Variants in AGAP1 observed in about 807,000 individuals in gnomAD.
AGAP1 encodes the protein ArfGAP with GTPase domain, ankyrin repeat and PH domain 1, also known as arf-GAP with GTPase, ANK repeat and PH domain-containing protein 1.
AGAP1 carries 29 observed loss-of-function variants against 105.3 expected under a neutral mutation model. The observed-to-expected ratio is 0.28, with a 90% CI of 0.21 to 0.38. The LOEUF (loss-of-function observed/expected upper bound fraction) is 0.38, where lower values mean the gene tolerates loss of function less well. Among genes scored for constraint, AGAP1 ranks in the 10% least tolerant of loss-of-function variants. The pLI, the probability that AGAP1 is intolerant of heterozygous loss-of-function variation, is 1.00. For missense variants in AGAP1, 998 were observed against 1,165.1 expected (o/e 0.86, Z 2.09); for synonymous variants, 509 against 485.9 (o/e 1.05, Z -0.63).
Position 236,050,725 on chromosome 2 carries a change from G to T in AGAP1, c.2114+1444G>T, listed in dbSNP as rs1158952422. 6.6e-6 allele frequency among the ~76,000 whole-genome samples: 1 copy of T among 152,090 alleles called. No individual in the cohort carries two copies. Among genetic ancestry groups the T allele is most frequent in the Non-Finnish European group, 1.5e-5 (1 of 68,012 alleles). ...ATTGAAATAAGCTGGAAAAATCTAT[G>T]CATCTTACTGTTTATATGTAAAAGA... On this transcript the variant is annotated intron_variant, in intron 16 of 17. Coordinates refer to ENST00000304032, the MANE Select transcript of AGAP1 (RefSeq NM_001037131.3). This position sits in a 1 kb window ranked among gnomAD's most constrained non-coding sequence, Gnocchi z 4.0.
chr2:235,961,174 G>A lies in AGAP1; in HGVS notation c.1484-7288G>A, dbSNP rs1009808782. Among the ~76,000 whole-genome samples, 1 of 152,224 alleles carries A rather than the reference G, an allele frequency of 6.6e-6. No individual in the cohort carries two copies. The highest frequency in any genetic ancestry group is 2.4e-5 in the African/African-American group (1 of 41,458). On this transcript the variant is annotated intron_variant, in intron 12 of 17. Coordinates refer to ENST00000304032, the MANE Select transcript of AGAP1 (RefSeq NM_001037131.3). This position sits in a 1 kb window ranked among gnomAD's most constrained non-coding sequence, Gnocchi z 5.9. The stretch of plus-strand genomic sequence containing the variant: ...AAACAAAGAAACACGCATGGAGCAT[G>A]TCATGTCCCCATGTGGAGAGAGCCA...
intron 10 of AGAP1, among the ~76,000 whole-genome samples, chr2:235,894,634 T>TACACACAC (rs894881918): frequency 4.1e-5 from 1 of 24,206 alleles, no homozygotes; most frequent in Non-Finnish European, 1.8e-4. Flanking sequence ...CATGCACATG[T>TACACACAC]ACACACACAC....
chr2:236,015,316 G>C (rs913274403), intron 13 of AGAP1, among the ~76,000 whole-genome samples: 1 of 152,164 alleles, frequency 6.6e-6, no homozygotes, highest in Non-Finnish European at 1.5e-5. Flanking sequence ...TTTTGTGGAA[G>C]CATTCTCCAT....
In AGAP1 at chr2:235,830,306, C is replaced by G. The variant is rs570802769; in HGVS notation, c.1050+22975C>G. ...AGTAAATTCGTTGTATTTTAAAAGT[C>G]AGATGGAATTTGTCTTCATATTTTG... On this transcript the variant is annotated intron_variant, in intron 9 of 17. Transcript: ENST00000304032. This position sits in a 1 kb window ranked among gnomAD's most constrained non-coding sequence, Gnocchi z 5.5. 3.9e-5 allele frequency among the ~76,000 whole-genome samples: 6 copies of G among 152,286 alleles called. No individual in the cohort carries two copies. The highest frequency in any genetic ancestry group is 1.4e-4 in the African/African-American group (6 of 41,558).
At chr2:235,694,493 A>AG (rs1391975651) in intron 1 of AGAP1, among the ~76,000 whole-genome samples, 4 of 151,328 alleles carry the variant, frequency 2.6e-5, no homozygotes, top group Non-Finnish European at 1.5e-5. Context: ...AAAAAAAAAA[A>AG]AAAAATTAGC....
intron 2 of AGAP1, 42 bp from the exon 3 acceptor site, chr2:235,717,515 A>G (rs368293540): frequency 1.0e-3 from 1,557 of 1,526,432 alleles, no homozygotes; most frequent in Non-Finnish European, 1.3e-3. Context: ...TGCCAAATAG[A>G]GTGATTTGAT....
chr2:235,516,521 T>C (rs1942394749), intron 1 of AGAP1, among the ~76,000 whole-genome samples: 2 of 152,270 alleles, frequency 1.3e-5, no homozygotes, highest in South Asian at 4.2e-4. Flanking sequence ...AGCCTCTGTT[T>C]CCTCTAGCTT....
chr2:235,744,815 C>G lies in AGAP1; in HGVS notation c.514C>G (p.Pro172Ala). Residue 172 changes from proline (P) to alanine (A), a missense_variant, in exon 5 of 18, where the codon CCT becomes GCT. Pro to Ala is a conservative substitution (Grantham distance 27). Coordinates refer to ENST00000304032, the MANE Select transcript of AGAP1 (RefSeq NM_001037131.3). The surrounding 1 kb of genome is among the most constrained non-coding windows in gnomAD (Gnocchi z 5.2). ...CAACTATCGGAACACGAGCGAGATTCCTCTGGTTCTGGTGGGAACCCAGGG... is the reference window on the plus strand; with the variant it reads ...CAACTATCGGAACACGAGCGAGATTGCTCTGGTTCTGGTGGGAACCCAGGG... ...MANYRNTSEIPLVLVGTQDAI... is the reference protein window; with the variant it reads ...MANYRNTSEIALVLVGTQDAI... 1 of 1,614,028 alleles carries G rather than the reference C, an allele frequency of 6.2e-7. No individual in the cohort carries two copies. Among genetic ancestry groups the G allele is most frequent in the Non-Finnish European group, 8.5e-7 (1 of 1,180,028 alleles).
At position 235,566,611 on chromosome 2, in the gene AGAP1, CCT is replaced by C. The variant is rs1944354306; in HGVS notation, c.163+71767_163+71768del. The C allele has an allele frequency of 9.1e-6, 9 of 984,810 alleles. No homozygotes were observed. The highest frequency in any genetic ancestry group is 9.6e-6 in the Non-Finnish European group (8 of 829,458). The allele number at this position is 984,810 out of a possible 1,614,324, so 61.0% of individuals were successfully genotyped here. A position where few individuals can be genotyped will look rare whatever the true frequency, so the allele number is the denominator to read the frequency against. On this transcript the variant is annotated intron_variant, in intron 1 of 17. Transcript: ENST00000304032. The surrounding 1 kb of genome is among the most constrained non-coding windows in gnomAD (Gnocchi z 5.2). ...TGTGAGTGGGCAGGTCTGTCTCCTGCCTCTCTTATTTATGTTGTATGCCTGAC... is the reference window on the plus strand; with the variant it reads ...TGTGAGTGGGCAGGTCTGTCTCCTGCCTCTTATTTATGTTGTATGCCTGAC...
At chr2:235,827,196 A>T (rs183458490) in intron 9 of AGAP1, among the ~76,000 whole-genome samples, 23 of 152,324 alleles carry the variant, frequency 1.5e-4, no homozygotes, top group African/African-American at 5.3e-4. Context: ...TCATACATGC[A>T]TCACGTGTTT....
chr2:235,685,884 G>A (rs1949355595), intron 1 of AGAP1, among the ~76,000 whole-genome samples: 1 of 152,114 alleles, frequency 6.6e-6, no homozygotes, highest in South Asian at 2.1e-4. Flanking sequence ...GGAGACATGA[G>A]ACACCAATCA....
rs556888643 is a variant in AGAP1, at chr2:235,662,899, G to A, written c.164-46280G>A. ...ATCTTACTGTGTCAGATGTGATTCC[G>A]GGGACGCAGTTCTTTCTTAAGAGCT... On this transcript the variant is annotated intron_variant, in intron 1 of 17. Transcript: ENST00000304032. The surrounding 1 kb of genome is among the most constrained non-coding windows in gnomAD (Gnocchi z 4.2). 1.1e-4 allele frequency among the ~76,000 whole-genome samples: 16 copies of A among 152,270 alleles called. No individual in the cohort carries two copies. Among genetic ancestry groups the A allele is most frequent in the Admixed American group, 5.2e-4 (8 of 15,296 alleles).
At chr2:236,085,402 A>G (rs924037434) in intron 16 of AGAP1, among the ~76,000 whole-genome samples, 2 of 152,030 alleles carry the variant, frequency 1.3e-5, no homozygotes, top group African/African-American at 2.4e-5. Context: ...TCTGTTTGGG[A>G]GGGGAGCACT....
At chr2:235,527,664 C>T (rs941720367) in intron 1 of AGAP1, among the ~76,000 whole-genome samples, 10 of 152,232 alleles carry the variant, frequency 6.6e-5, no homozygotes, top group African/African-American at 1.2e-4. Context: ...CTGGAATTAC[C>T]GTAGTGAGCT....
At position 235,867,351 on chromosome 2, in the gene AGAP1, G is replaced by A. The variant is rs1056115416; in HGVS notation, c.1051-15994G>A. The stretch of plus-strand genomic sequence containing the variant: ...CAACCAATGAACTTGACTGTGTTCC[G>A]ATAAAACTTTATTTACAGAAAGAGG... On this transcript the variant is annotated intron_variant, in intron 9 of 17. Transcript: ENST00000304032. This position sits in a 1 kb window ranked among gnomAD's most constrained non-coding sequence, Gnocchi z 5.4. Among the ~76,000 whole-genome samples the A allele has an allele frequency of 2.0e-5, 3 of 152,138 alleles. No individual in the cohort carries two copies. The highest frequency in any genetic ancestry group is 3.9e-4 in the East Asian group (2 of 5,176).
At position 236,082,486 on chromosome 2, in the gene AGAP1, C is replaced by T. The variant is rs1013402897; in HGVS notation, c.2114+33205C>T. On this transcript the variant is annotated intron_variant, in intron 16 of 17. Transcript: ENST00000304032. This position sits in a 1 kb window ranked among gnomAD's most constrained non-coding sequence, Gnocchi z 4.2. ...GGGAGGGAGAGCTTTTCCTAAGCATCGATCCCCTCCAGAAAGGAAGATGGT... is the reference window on the plus strand; with the variant it reads ...GGGAGGGAGAGCTTTTCCTAAGCATTGATCCCCTCCAGAAAGGAAGATGGT... 3.9e-5 allele frequency among the ~76,000 whole-genome samples: 6 copies of T among 152,170 alleles called. No homozygotes were observed. The highest frequency in any genetic ancestry group is 2.6e-4 in the Admixed American group (4 of 15,274).
chr2:235,558,908 A>G (rs941795503), intron 1 of AGAP1, among the ~76,000 whole-genome samples: 10 of 152,132 alleles, frequency 6.6e-5, no homozygotes, highest in Non-Finnish European at 1.3e-4. Context: ...GGAAAAAAAA[A>G]GTTCATTACA....
intron 6 of AGAP1, among the ~76,000 whole-genome samples, chr2:235,766,641 G>A (rs1043090068): frequency 2.6e-5 from 4 of 152,152 alleles, no homozygotes; most frequent in Admixed American, 2.6e-4. Flanking sequence ...TATATTCTGT[G>A]GTTAAAGAAT....
intron 5 of AGAP1, among the ~76,000 whole-genome samples, chr2:235,748,254 G>T (rs1045602854): frequency 3.9e-5 from 6 of 152,208 alleles, no homozygotes; most frequent in African/African-American, 1.4e-4. Flanking sequence ...GAAACCAAGC[G>T]AGCATGCCGC....
Sources: gnomAD v4.1 joint callset for allele counts (sites outside exome capture counted in the v4.1 genomes callset) on GRCh38, gnomAD v4.1.1 for gene constraint, Gnocchi (gnomAD v3.1) non-coding constraint, MANE v1.5 for transcripts, NCBI Gene and HGNC (gene_info 2026-07-23, HGNC 2026-07-21) for gene names.